AFAP1L2: variants seen among roughly 807,000 people sequenced by gnomAD.
The protein encoded by AFAP1L2 is actin filament associated protein 1 like 2.
AFAP1L2 carries 46 observed loss-of-function variants against 99.3 expected under a neutral mutation model. The observed-to-expected ratio is 0.46, with a 90% confidence interval of 0.37 to 0.59. The LOEUF is 0.59. Among genes scored for constraint, AFAP1L2 ranks in the 20% least tolerant of loss-of-function variants. The probability of loss-of-function intolerance (pLI) is 0.00; values close to 1 mark genes in which losing one functional copy is unlikely to be tolerated. For synonymous variants in AFAP1L2, 397 were observed against 419.1 expected (o/e 0.95, Z 0.64); for missense variants, 959 against 1,034.9 (o/e 0.93, Z 1.01).
At chr10:114,303,114 T>C (rs2041516958) in intron 11 of AFAP1L2, among the ~76,000 whole-genome samples, 1 of 152,152 alleles carries the variant, frequency 6.6e-6, no homozygotes, top group Non-Finnish European at 1.5e-5. Context: ...GTACCTCAAT[T>C]AAAATGTCCA....
intron 4 of AFAP1L2, chr10:114,325,793 G>T (rs1359258634): frequency 1.5e-5 from 17 of 1,153,666 alleles, no homozygotes; most frequent in Non-Finnish European, 1.9e-5. Context: ...TCAGCCAGCA[G>T]CCTGAGAAAA....
intron 13 of AFAP1L2, 152 bp from the exon 14 acceptor site, chr10:114,300,842 A>C (rs768111537): frequency 3.7e-5 from 39 of 1,066,166 alleles, no homozygotes; most frequent in Non-Finnish European, 5.3e-6. Flanking sequence ...GCTGAGTCCT[A>C]GATATGTCAC....
chr10:114,296,988 T>C lies in AFAP1L2; in HGVS notation c.2420A>G (p.Gln807Arg). The part of the protein sequence containing the change: ...VVVTGKGTVL[Q>R]KAKEWEKKGA... ...GGAGTGACTGCTTACCTTGGCTTTC[T>C]GGAGTACAGTGCCTTTGCCTGTGAC... The change falls in exon 18 of 19, where the codon CAG becomes CGG. Residue 807 changes from glutamine (Q) to arginine (R), a missense_variant. Coordinates refer to ENST00000304129, the MANE Select transcript of AFAP1L2 (RefSeq NM_001001936.3). 1 of 1,614,186 alleles carries C rather than the reference T, an allele frequency of 6.2e-7. No homozygotes were observed. The highest frequency in any genetic ancestry group is 8.5e-7 in the Non-Finnish European group (1 of 1,180,020).
intron 1 of AFAP1L2, among the ~76,000 whole-genome samples, chr10:114,386,167 G>A (rs2056477384): frequency 6.6e-6 from 1 of 152,154 alleles, no homozygotes; most frequent in Non-Finnish European, 1.5e-5. Flanking sequence ...AAATGCCTAT[G>A]GTAGGACTTC....
At chr10:114,296,098 C>T in intron 18 of AFAP1L2, 30 bp from the exon 19 acceptor site, 1 of 1,613,144 alleles carries the variant, frequency 6.2e-7, no homozygotes, top group Non-Finnish European at 8.5e-7. Context: ...CCAGCACCCA[C>T]CCCCCACCAA....
chr10:114,338,904 CAG>C (rs1400756509), intron 2 of AFAP1L2, among the ~76,000 whole-genome samples: 2 of 152,164 alleles, frequency 1.3e-5, no homozygotes, highest in East Asian at 1.9e-4. Flanking sequence ...TTTAAAAAGA[CAG>C]AAAAATCATG....
At chr10:114,287,334 C>A in the AFAP1L2 span, among the ~76,000 whole-genome samples, 1 of 152,112 alleles carries the variant, frequency 6.6e-6, no homozygotes, top group Non-Finnish European at 1.5e-5. Context: ...GTGCACACCA[C>A]CATGCCCAGC....
rs1236575199 is a variant in AFAP1L2 at position 114,294,887 on chromosome 10, C to T, written c.*1155G>A. On this transcript the variant is annotated 3_prime_UTR_variant, in exon 19 of 19. Coordinates refer to ENST00000304129, the MANE Select transcript of AFAP1L2 (RefSeq NM_001001936.3). ...TAACTCACCACTTGGTAAAAGGTCA[C>T]CAAATGTTTATGAGAGAGGAAATAA... is the stretch of plus-strand genomic sequence containing the variant. 1.0e-6 allele frequency: 1 copy of T among 982,862 alleles called. No individual in the cohort carries two copies. The highest frequency in any genetic ancestry group is 1.2e-6 in the Non-Finnish European group (1 of 827,806). 60.9% of individuals were successfully genotyped at this position (982,862 alleles called of 1,614,324 possible).
chr10:114,359,708 G>T (rs2051941442), intron 1 of AFAP1L2, among the ~76,000 whole-genome samples: 1 of 152,210 alleles, frequency 6.6e-6, no homozygotes, highest in South Asian at 2.1e-4. Flanking sequence ...AACCCAGATA[G>T]TTCTTGGTAC....
intron 15 of AFAP1L2, 33 bp from the exon 16 acceptor site, chr10:114,299,448 C>T (rs755466222): frequency 6.8e-6 from 11 of 1,612,510 alleles, no homozygotes; most frequent in Non-Finnish European, 9.3e-6. Flanking sequence ...CCCAGGTAAG[C>T]AGAGCTGGAT....
chr10:114,313,782 T>G (rs1330625957), intron 7 of AFAP1L2, 89 bp downstream of exon 7: 60 of 1,342,348 alleles, frequency 4.5e-5, no homozygotes, highest in Non-Finnish European at 6.0e-5. Context: ...TCACAAATCC[T>G]CTACCCCTGA....
chr10:114,296,836 C>A, intron 18 of AFAP1L2, 142 bp downstream of exon 18: 1 of 1,414,456 alleles, frequency 7.1e-7, no homozygotes, highest in Admixed American at 1.9e-5. Context: ...CATGGCAAAG[C>A]CATGGCCACT....
chr10:114,356,581 T>G (rs2051425382), intron 1 of AFAP1L2, among the ~76,000 whole-genome samples: 1 of 152,254 alleles, frequency 6.6e-6, no homozygotes, highest in Non-Finnish European at 1.5e-5. Flanking sequence ...GTGTTTTAAA[T>G]TTTATTTCTA....
downstream of AFAP1L2, among the ~76,000 whole-genome samples, chr10:114,293,304 G>A (rs996928295): frequency 6.6e-6 from 1 of 152,202 alleles, no homozygotes; most frequent in African/African-American, 2.4e-5. Flanking sequence ...TTACATGAAT[G>A]CATTGTCTTT....
In AFAP1L2 at chr10:114,297,013, C is replaced by G. The variant is rs1167926007; in HGVS notation, c.2395G>C (p.Val799Leu). Residue 799 changes from valine to leucine, a missense_variant, in exon 18 of 19, where the codon GTC becomes CTC. Physicochemically the swap from Val to Leu is conservative, Grantham distance 32 (BLOSUM62 1). Around this residue, in one of 2 missense-constraint regions of AFAP1L2, gnomAD observed 576 missense variants for 562.1 expected, o/e 1.02. Transcript: ENST00000304129. ...TLKNRPLSVVVTGKGTVLQKA... is the reference protein window; with the variant it reads ...TLKNRPLSVVLTGKGTVLQKA... The stretch of plus-strand genomic sequence containing the variant: ...TGGAGTACAGTGCCTTTGCCTGTGA[C>G]CACGACCGAGAGAGGCCTGTTCTTG... 1 of 1,614,062 alleles carries G rather than the reference C, an allele frequency of 6.2e-7. No individual in the cohort carries two copies.
rs968326729 is a variant in AFAP1L2 at position 114,295,689 on chromosome 10, G to C, written c.*353C>G. 143 of 1,045,700 alleles carry C rather than the reference G, an allele frequency of 1.4e-4. No individual in the cohort carries two copies. Among genetic ancestry groups the C allele is most frequent in the South Asian group, 2.2e-4 (6 of 27,104 alleles). The allele number at this position is 1,045,700 out of a possible 1,614,324, so 64.8% of individuals were successfully genotyped here. A position where few individuals can be genotyped will look rare whatever the true frequency, so the allele number is the denominator to read the frequency against. On this transcript the variant is annotated 3_prime_UTR_variant, in exon 19 of 19. Transcript: ENST00000304129. ...CCATAAGACAGGGCCCTGCTTCCTT[G>C]ATTCATCTTCCACCAAAGTCTAAAC... is the stretch of plus-strand genomic sequence containing the variant.
chr10:114,319,556 C>T lies in AFAP1L2; in HGVS notation c.406+3615G>A, dbSNP rs548782493. The T allele has an allele frequency of 9.6e-4, 1,240 of 1,289,278 alleles. 14 individuals carry two copies. The South Asian group carries it at 0.013, about 14-fold the overall frequency. 79.9% of individuals were successfully genotyped at this position (1,289,278 alleles called of 1,614,324 possible). ...CTGGCATTCCAGCTCGGGGAGTAAGCAGTACCCAAGGTGATCGTGGCATAA... is the reference window on the plus strand; with the variant it reads ...CTGGCATTCCAGCTCGGGGAGTAAGTAGTACCCAAGGTGATCGTGGCATAA... On this transcript the variant is annotated intron_variant, in intron 5 of 18. Transcript: ENST00000304129.
intron 1 of AFAP1L2, among the ~76,000 whole-genome samples, chr10:114,402,157 T>C (rs944702999): frequency 3.9e-5 from 6 of 152,224 alleles, no homozygotes; most frequent in African/African-American, 1.4e-4. Context: ...CTATTCCTAG[T>C]TATTCCAATA....
intron 1 of AFAP1L2, among the ~76,000 whole-genome samples, chr10:114,344,742 A>C (rs190816045): frequency 5.9e-5 from 9 of 152,216 alleles, no homozygotes; most frequent in Non-Finnish European, 1.2e-4. Flanking sequence ...CAGGAAAAGG[A>C]ATTGTAGCTC....
Sources: allele counts gnomAD v4.1 joint callset (sites outside exome capture counted in the v4.1 genomes callset), GRCh38; gene constraint gnomAD v4.1.1; regional missense constraint gnomAD v4.1.1; transcripts MANE v1.5; gene names NCBI Gene and HGNC (gene_info 2026-07-23, HGNC 2026-07-21).